AK9: variants seen among roughly 807,000 people sequenced by gnomAD.
AK9 encodes adenylate kinase domain containing 1.
In AK9, 191 loss-of-function variants were observed where a neutral mutation model predicts 239.6. The observed-to-expected ratio is 0.80, with a 90% confidence interval of 0.71 to 0.90. The LOEUF (loss-of-function observed/expected upper bound fraction) is 0.90. Among genes scored for constraint, AK9 ranks in the 40% least tolerant of loss-of-function variants. The pLI, the probability that AK9 is intolerant of heterozygous loss-of-function variation, is 0.00. For synonymous variants in AK9, 689 were observed against 721.0 expected, an observed-to-expected ratio of 0.96 and a Z score of 0.71; for missense variants, 1,995 against 2,214.7, an observed-to-expected ratio of 0.90 and a Z score of 1.99.
chr6:109,681,225 A>T (rs1772577328), intron 1 of AK9, among the ~76,000 whole-genome samples: 1 of 152,214 alleles, frequency 6.6e-6, no homozygotes, highest in South Asian at 2.1e-4. Flanking sequence ...AGACAAACAT[A>T]GGTGCAAAAT....
At chr6:109,577,953 C>G (rs1158613412) in intron 20 of AK9, among the ~76,000 whole-genome samples, 2 of 79,340 alleles carry the variant, frequency 2.5e-5, no homozygotes, top group Non-Finnish European at 5.3e-5. Flanking sequence ...TTTTTTTTTT[C>G]TTTTTAGATA....
intron 28 of AK9, among the ~76,000 whole-genome samples, chr6:109,531,963 C>A (rs1280961278): frequency 6.6e-6 from 1 of 152,114 alleles, no homozygotes; most frequent in Non-Finnish European, 1.5e-5. Flanking sequence ...GAATGGATGG[C>A]AATGGCCTTG....
chr6:109,521,027 A>G (rs1042831070), intron 29 of AK9, among the ~76,000 whole-genome samples: 8 of 152,104 alleles, frequency 5.3e-5, no homozygotes, highest in Non-Finnish European at 1.0e-4. Flanking sequence ...TTTTACAGGT[A>G]TAGAATTATA....
intron 20 of AK9, among the ~76,000 whole-genome samples, chr6:109,577,577 C>T (rs1334938238): frequency 6.6e-6 from 1 of 151,984 alleles, no homozygotes; most frequent in Non-Finnish European, 1.5e-5. Context: ...CTTTGAATAC[C>T]TGATAGAAAT....
intron 39 of AK9, among the ~76,000 whole-genome samples, chr6:109,494,760 A>T (rs12195904): frequency 0.37 from 56,803 of 152,054 alleles, 10,649 homozygotes; most frequent in South Asian, 0.44. Context: ...GACTTTTTTT[A>T]AAAAAAGCTT....
At chr6:109,542,253 A>T (rs763874009) in intron 26 of AK9, 82 bp from the exon 27 acceptor site, 13 of 1,318,916 alleles carry the variant, frequency 9.9e-6, no homozygotes, top group Non-Finnish European at 1.3e-5. Context: ...TGTGAAAGTT[A>T]AAGAGGAGGA....
At chr6:109,635,409 C>T (rs1796594620) in intron 10 of AK9, among the ~76,000 whole-genome samples, 1 of 152,168 alleles carries the variant, frequency 6.6e-6, no homozygotes, top group Admixed American at 6.5e-5. Context: ...GAATGGAGAG[C>T]AGAAAACAGT....
At chr6:109,647,653 C>T (rs1365593925) in intron 8 of AK9, among the ~76,000 whole-genome samples, 1 of 152,086 alleles carries the variant, frequency 6.6e-6, no homozygotes, top group Non-Finnish European at 1.5e-5. Context: ...GACTTTAACA[C>T]CCCACTGTCA....
chr6:109,641,032 C>T (rs1256845899), intron 10 of AK9, among the ~76,000 whole-genome samples: 1 of 151,614 alleles, frequency 6.6e-6, no homozygotes, highest in African/African-American at 2.4e-5. Context: ...TGTGTTGTGT[C>T]TAATATCTGA....
chr6:109,667,909 T>C (rs1052260373), intron 5 of AK9, among the ~76,000 whole-genome samples: 3 of 152,236 alleles, frequency 2.0e-5, no homozygotes, highest in Non-Finnish European at 4.4e-5. Flanking sequence ...TTCCTTTGGC[T>C]ATATACCCAG....
rs372381212 is a variant in AK9, at chr6:109,573,432, A to G, written c.2344+10T>C. 9.1e-6 allele frequency: 14 copies of G among 1,538,674 alleles called. No individual in the cohort carries two copies. In the East Asian group the frequency reaches 1.5e-4, roughly 16 times the overall value. On this transcript the variant is annotated intron_variant, in intron 21 of 40. Coordinates refer to ENST00000424296, the MANE Select transcript of AK9 (RefSeq NM_001145128.3). ...GTAGAATTAAGAACTTGCTATCAAT[A>G]AAGTCTAACCTGCTTCAGGCTCAGT...
intron 17 of AK9, among the ~76,000 whole-genome samples, chr6:109,590,719 T>G (rs1282488088): frequency 6.6e-6 from 1 of 152,192 alleles, no homozygotes; most frequent in Non-Finnish European, 1.5e-5. Flanking sequence ...TGGTATGTTG[T>G]GTCTATTTTC....
intron 19 of AK9, among the ~76,000 whole-genome samples, chr6:109,582,805 A>G (rs1789016097): frequency 6.6e-6 from 1 of 152,184 alleles, no homozygotes; most frequent in African/African-American, 2.4e-5. Flanking sequence ...ATATTTTGGG[A>G]AAGAAAGAGT....
At chr6:109,629,298 T>TTAGTTA (rs1301907758) in intron 12 of AK9, among the ~76,000 whole-genome samples, 1 of 152,126 alleles carries the variant, frequency 6.6e-6, no homozygotes, top group Non-Finnish European at 1.5e-5. Flanking sequence ...TGACTCAAAT[T>TTAGTTA]CTATAATGTA....
At chr6:109,506,282 A>C in intron 35 of AK9, 45 bp downstream of exon 35, 2 of 1,565,082 alleles carry the variant, frequency 1.3e-6, no homozygotes, top group Non-Finnish European at 1.8e-6. Context: ...GCATGTTTAC[A>C]CTTGAAATTA....
At chr6:109,516,356 C>A in intron 30 of AK9, 74 bp downstream of exon 30, 1 of 1,262,200 alleles carries the variant, frequency 7.9e-7, no homozygotes, top group East Asian at 2.5e-5. Context: ...AAAGAAATGG[C>A]ATGAACTAAA....
chr6:109,572,144 C>G (rs367626334), intron 21 of AK9, among the ~76,000 whole-genome samples: 1 of 152,288 alleles, frequency 6.6e-6, no homozygotes, highest in South Asian at 2.1e-4. Context: ...CAGATGATTA[C>G]TTATTTCTTG....
Position 109,564,246 on chromosome 6 carries a change from A to G in AK9, c.2469T>C (p.Pro823=). Residue 823 remains proline (P), a synonymous_variant, in exon 23 of 41, where the codon CCT becomes CCC. Coordinates refer to ENST00000424296, the MANE Select transcript of AK9 (RefSeq NM_001145128.3). ...TAAATGGCTCCATTTCGGGAACATC[A>G]GGATAAGAGTCTTCTGGAAACTCAG... The part of the protein sequence containing the change: ...VLPEFPEDSY[P]DVPEMEPFKE... 1 of 1,551,054 alleles carries G rather than the reference A, an allele frequency of 6.4e-7. No individual in the cohort carries two copies. The highest frequency in any genetic ancestry group is 1.7e-4 in the Middle Eastern group (1 of 5,984).
At chr6:109,540,919 T>C (rs951288837) in intron 27 of AK9, among the ~76,000 whole-genome samples, 8 of 152,186 alleles carry the variant, frequency 5.3e-5, no homozygotes, top group African/African-American at 1.9e-4. Flanking sequence ...CTTCTGGAAT[T>C]ATACACACAT....
Sources: allele counts gnomAD v4.1 joint callset (sites outside exome capture counted in the v4.1 genomes callset), GRCh38; gene constraint gnomAD v4.1.1; transcripts MANE v1.5; gene names NCBI Gene and HGNC (gene_info 2026-07-23, HGNC 2026-07-21).